Variants in TGFBR2 observed in about 807,000 individuals in gnomAD.
The protein encoded by TGFBR2 is TGF-beta receptor type-2.
Under a neutral mutation model 49.0 loss-of-function variants are expected in TGFBR2, and 18 were observed. The observed-to-expected ratio is 0.37, with a 90% CI of 0.25 to 0.54. The LOEUF (loss-of-function observed/expected upper bound fraction) is 0.54, where lower values mean the gene tolerates loss of function less well. Ranked by LOEUF, TGFBR2 falls within the 20% of genes least tolerant of loss-of-function variation. TGFBR2 has a pLI of 0.85. For synonymous variants in TGFBR2, 282 were observed against 275.9 expected (o/e 1.02, Z -0.22); for missense variants, 525 against 722.6 (o/e 0.73, Z 3.13).
intron 5 of TGFBR2, among the ~76,000 whole-genome samples, chr3:30,685,547 A>G (rs1237034504): frequency 6.6e-6 from 1 of 152,260 alleles, no homozygotes. Flanking sequence ...CTTGTATTTC[A>G]AGAGAGGTCT....
In TGFBR2 at chr3:30,676,567, T is replaced by C. The variant is rs1699441783; in HGVS notation, c.1396+2321T>C. On this transcript the variant is annotated intron_variant, in intron 5 of 6. Coordinates refer to ENST00000295754, the MANE Select transcript of TGFBR2 (RefSeq NM_003242.6). This position sits in a 1 kb window ranked among gnomAD's most constrained non-coding sequence, Gnocchi z 4.3. The stretch of plus-strand genomic sequence containing the variant: ...GTTTCATTATATGAGTATCCAGTAT[T>C]GTCATTATTTATTTTGTTGCTCAGG... Among the ~76,000 whole-genome samples, 1 of 152,214 alleles carries C rather than the reference T, an allele frequency of 6.6e-6. No individual in the cohort carries two copies. The highest frequency in any genetic ancestry group is 2.4e-5 in the African/African-American group (1 of 41,462).
intron 6 of TGFBR2, 56 bp from the exon 7 acceptor site, chr3:30,691,364 G>A (rs1575166572): frequency 6.3e-7 from 1 of 1,599,404 alleles, no homozygotes; most frequent in East Asian, 2.2e-5. Context: ...AGGCCACCTT[G>A]CCTTCCGCGG....
intron 5 of TGFBR2, among the ~76,000 whole-genome samples, chr3:30,687,380 T>C (rs1367609): frequency 6.6e-6 from 1 of 151,862 alleles, no homozygotes; most frequent in Non-Finnish European, 1.5e-5. Context: ...CAACTTTTTT[T>C]GTTTGCTTGT....
chr3:30,678,249 C>T (rs1247300096), intron 5 of TGFBR2, among the ~76,000 whole-genome samples: 1 of 152,070 alleles, frequency 6.6e-6, no homozygotes, highest in Non-Finnish European at 1.5e-5. Flanking sequence ...GAGAAGCCTG[C>T]TCAAGAGGTA....
At chr3:30,640,340 C>A (rs1282588381) in intron 1 of TGFBR2, among the ~76,000 whole-genome samples, 2 of 152,130 alleles carry the variant, frequency 1.3e-5, no homozygotes, top group African/African-American at 2.4e-5. Context: ...GTAGAAAATT[C>A]TCTAAAGATG....
chr3:30,612,993 G>GCTTA (rs1698057484), intron 1 of TGFBR2, among the ~76,000 whole-genome samples: 1 of 152,032 alleles, frequency 6.6e-6, no homozygotes, highest in African/African-American at 2.4e-5. Context: ...ATGGCCTCCT[G>GCTTA]CTTAGACTCT....
intron 3 of TGFBR2, among the ~76,000 whole-genome samples, chr3:30,665,975 C>G (rs1446461136): frequency 6.6e-6 from 1 of 152,164 alleles, no homozygotes; most frequent in South Asian, 2.1e-4. Flanking sequence ...AGCAGCAGAT[C>G]TAAACAATTG....
chr3:30,684,693 G>A (rs1699594873), intron 5 of TGFBR2, among the ~76,000 whole-genome samples: 1 of 151,362 alleles, frequency 6.6e-6, no homozygotes, highest in Non-Finnish European at 1.5e-5. Flanking sequence ...AAGATGGGAA[G>A]CAGGCCTTGT....
chr3:30,677,711 A>G (rs1699465120), intron 5 of TGFBR2, among the ~76,000 whole-genome samples: 1 of 152,230 alleles, frequency 6.6e-6, no homozygotes, highest in African/African-American at 2.4e-5. Context: ...CTGAAGACAG[A>G]TGGATTCCCT....
chr3:30,690,059 T>C (rs1699686604), intron 6 of TGFBR2, among the ~76,000 whole-genome samples: 1 of 152,150 alleles, frequency 6.6e-6, no homozygotes, highest in Non-Finnish European at 1.5e-5. Flanking sequence ...GAGGGAGAGA[T>C]AGGCTCCTAG....
At chr3:30,684,675 A>C (rs189391091) in intron 5 of TGFBR2, among the ~76,000 whole-genome samples, 6 of 152,014 alleles carry the variant, frequency 3.9e-5, no homozygotes, top group Non-Finnish European at 8.8e-5. Context: ...GAAATTACCC[A>C]TAAGTCGAAG....
chr3:30,660,697 T>G (rs1699107108), intron 3 of TGFBR2, among the ~76,000 whole-genome samples: 1 of 152,256 alleles, frequency 6.6e-6, no homozygotes, highest in African/African-American at 2.4e-5. Flanking sequence ...TATTTTGTTT[T>G]CTACAACAAT....
At chr3:30,655,342 A>G (rs1698975565) in intron 3 of TGFBR2, among the ~76,000 whole-genome samples, 1 of 152,154 alleles carries the variant, frequency 6.6e-6, no homozygotes, top group Admixed American at 6.5e-5. Flanking sequence ...TACATATCAC[A>G]CCACAAGGTT....
chr3:30,675,613 T>C (rs989761985), intron 5 of TGFBR2, among the ~76,000 whole-genome samples: 3 of 152,110 alleles, frequency 2.0e-5, no homozygotes, highest in African/African-American at 7.2e-5. Context: ...TATCGAACTC[T>C]TGACCTCATG....
At chr3:30,646,315 T>C (rs1698740306) in intron 2 of TGFBR2, among the ~76,000 whole-genome samples, 1 of 152,214 alleles carries the variant, frequency 6.6e-6, no homozygotes. Context: ...CCTGTCCATG[T>C]CCACTTCTAG....
intron 1 of TGFBR2, among the ~76,000 whole-genome samples, chr3:30,620,151 C>A (rs938204115): frequency 6.6e-6 from 1 of 152,140 alleles, no homozygotes. Context: ...CGCGCCACTG[C>A]ACTCCAGCCT....
chr3:30,688,360 T>A, intron 5 of TGFBR2, 24 bp from the exon 6 acceptor site: 1 of 1,614,090 alleles, frequency 6.2e-7, no homozygotes, highest in Non-Finnish European at 8.5e-7. Flanking sequence ...TCAGTGACCC[T>A]GTGTTTGCTG....
intron 3 of TGFBR2, among the ~76,000 whole-genome samples, chr3:30,654,520 T>C (rs1273486039): frequency 1.3e-5 from 2 of 152,118 alleles, no homozygotes; most frequent in Non-Finnish European, 2.9e-5. Flanking sequence ...CATTCATGCT[T>C]CCCTCCCAGT....
intron 3 of TGFBR2, chr3:30,661,652 C>G (rs1258052330): frequency 2.0e-6 from 1 of 492,080 alleles, no homozygotes; most frequent in South Asian, 1.5e-5. Flanking sequence ...GAGTTAAGGT[C>G]ATTTTGAAAT....
Sources: allele counts gnomAD v4.1 joint callset (sites outside exome capture counted in the v4.1 genomes callset), GRCh38; gene constraint gnomAD v4.1.1; non-coding constraint Gnocchi (gnomAD v3.1); transcripts MANE v1.5; gene names NCBI Gene and HGNC (gene_info 2026-07-23, HGNC 2026-07-21).